The following CALN1 variants were observed in gnomAD, a reference collection of about 807,000 sequenced individuals.
CALN1 encodes the protein calneuron 1, also known as calcium-binding protein 8.
A neutral mutation model predicts 30.6 loss-of-function variants in CALN1; 17 were observed. The ratio of observed to expected loss-of-function variants is 0.56; its 90% confidence interval spans 0.38 to 0.83. CALN1 has a LOEUF of 0.83. Among genes scored for constraint, CALN1 ranks in the 40% least tolerant of loss-of-function variants. The pLI, the probability that CALN1 is intolerant of heterozygous loss-of-function variation, is 0.00. For synonymous variants in CALN1, 156 were observed against 131.4 expected, an observed-to-expected ratio of 1.19 and a Z score of -1.28; for missense variants, 291 against 354.9, an observed-to-expected ratio of 0.82 and a Z score of 1.45.
At chr7:71,985,913 C>G (rs979580402) in intron 5 of CALN1, among the ~76,000 whole-genome samples, 1 of 151,870 alleles carries the variant, frequency 6.6e-6, no homozygotes, top group African/African-American at 2.4e-5. Flanking sequence ...TCAATAGCAA[C>G]ATGACTTGTA....
At chr7:72,342,041 TG>T (rs1802409954) in intron 2 of CALN1, among the ~76,000 whole-genome samples, 1 of 151,758 alleles carries the variant, frequency 6.6e-6, no homozygotes, top group African/African-American at 2.4e-5. Context: ...TACTGGAGGT[TG>T]GGAATTTGAG....
At chr7:72,475,887 G>A in the CALN1 span, among the ~76,000 whole-genome samples, 75 of 148,790 alleles carry the variant, frequency 5.0e-4, no homozygotes, top group Non-Finnish European at 9.0e-4. Context: ...GAGATCTGAT[G>A]GTTTTATAAA....
intron 3 of CALN1, among the ~76,000 whole-genome samples, chr7:72,241,000 G>A (rs141859403): frequency 1.1e-4 from 16 of 152,206 alleles, no homozygotes; most frequent in African/African-American, 2.6e-4. Context: ...CTTACTCCCC[G>A]CATTATCAGA....
chr7:72,181,317 T>G (rs1401133737), intron 3 of CALN1, among the ~76,000 whole-genome samples: 1 of 150,544 alleles, frequency 6.6e-6, no homozygotes, highest in South Asian at 2.1e-4. Context: ...ATATGTTATA[T>G]GAATATATTT....
chr7:72,280,087 T>C (rs975337942), intron 2 of CALN1, among the ~76,000 whole-genome samples: 5 of 152,228 alleles, frequency 3.3e-5, no homozygotes, highest in Admixed American at 3.3e-4. Flanking sequence ...CAGACCCAGC[T>C]AAGTGCCAGA....
chr7:71,962,729 T>C (rs1797311101), intron 5 of CALN1, among the ~76,000 whole-genome samples: 1 of 152,224 alleles, frequency 6.6e-6, no homozygotes, highest in African/African-American at 2.4e-5. Flanking sequence ...TTTCTACAAA[T>C]TGCTGAAAGC....
intron 1 of CALN1, among the ~76,000 whole-genome samples, chr7:72,407,088 T>G (rs1050860703): frequency 4.6e-5 from 7 of 152,166 alleles, no homozygotes; most frequent in Admixed American, 2.0e-4. Flanking sequence ...ATCACCTGCA[T>G]CACTTTTACC....
At chr7:72,002,134 A>G (rs1799556642) in intron 5 of CALN1, among the ~76,000 whole-genome samples, 1 of 152,176 alleles carries the variant, frequency 6.6e-6, no homozygotes, top group African/African-American at 2.4e-5. Context: ...AGCCAAGAAT[A>G]TTTACTCCCA....
chr7:72,370,922 C>T (rs570053353), intron 2 of CALN1, among the ~76,000 whole-genome samples: 21 of 151,904 alleles, frequency 1.4e-4, no homozygotes, highest in African/African-American at 5.1e-4. Flanking sequence ...GTGGCATGTG[C>T]CTGTAATTCC....
At chr7:72,336,827 AG>A in intron 2 of CALN1, 1 of 984,860 alleles carries the variant, frequency 1.0e-6, no homozygotes, top group Non-Finnish European at 1.2e-6. Flanking sequence ...GGCAGCGCTC[AG>A]CCTCTCGCTC....
chr7:72,205,551 A>AAAAATATATATATATATATATAT, intron 3 of CALN1, among the ~76,000 whole-genome samples: 3 of 83,052 alleles, frequency 3.6e-5, no homozygotes, highest in African/African-American at 2.2e-4. Context: ...GCAAAAAAAA[A>AAAAATATATATATATATATATAT]ATATATATAT....
At position 71,793,869 on chromosome 7, in the gene CALN1, C is replaced by CA. The variant is rs1554337935; in HGVS notation, c.659-5968dup. 9.5e-3 allele frequency among the ~76,000 whole-genome samples: 1,302 copies of CA among 137,698 alleles called. 19 individuals carry two copies. Among genetic ancestry groups the CA allele is most frequent in the African/African-American group, 0.034 (1,115 of 32,564 alleles). 90.3% of individuals were successfully genotyped at this position (137,698 alleles called of 152,430 possible). On this transcript the variant is annotated intron_variant, in intron 6 of 6. Coordinates refer to ENST00000395275, the MANE Select transcript of CALN1 (RefSeq NM_031468.4). ...ACAGAGCAAGACTGTCTAAAAAAAC[C>CA]AAAAAAAACAAAAAGAAACACATAC... is the stretch of plus-strand genomic sequence containing the variant.
chr7:71,935,305 T>C (rs1383041875), intron 5 of CALN1, among the ~76,000 whole-genome samples: 5 of 152,104 alleles, frequency 3.3e-5, no homozygotes, highest in Non-Finnish European at 5.9e-5. Context: ...GGGTGCAGGA[T>C]AGCAGTGGGT....
intron 2 of CALN1, among the ~76,000 whole-genome samples, chr7:72,393,220 C>A (rs954234419): frequency 1.3e-5 from 2 of 152,142 alleles, no homozygotes; most frequent in African/African-American, 4.8e-5. Context: ...GTAATCCCAG[C>A]ACATTGGGAG....
chr7:72,278,950 G>T, intron 2 of CALN1, 140 bp from the exon 3 acceptor site: 1 of 1,253,220 alleles, frequency 8.0e-7, no homozygotes, highest in Non-Finnish European at 1.1e-6. Flanking sequence ...GGAAAGTCAA[G>T]ATATTTCCAG....
intron 5 of CALN1, among the ~76,000 whole-genome samples, chr7:71,878,393 C>T: frequency 6.7e-6 from 1 of 148,196 alleles, no homozygotes; most frequent in East Asian, 2.2e-4. Flanking sequence ...CAGAGTGAGA[C>T]CCTGTCTCAA....
At chr7:72,279,085 ACAC>A (rs910272975) in intron 2 of CALN1, among the ~76,000 whole-genome samples, 19 of 152,112 alleles carry the variant, frequency 1.2e-4, no homozygotes, top group Admixed American at 1.2e-3. Context: ...TAATCATGGC[ACAC>A]CACATCACCA....
chr7:72,204,320 G>A (rs901690548), intron 3 of CALN1, among the ~76,000 whole-genome samples: 5 of 151,608 alleles, frequency 3.3e-5, no homozygotes, highest in Non-Finnish European at 7.4e-5. Flanking sequence ...CTTTTTTAAT[G>A]TTAATTGTAT....
chr7:71,863,639 T>G (rs978236207), intron 5 of CALN1, among the ~76,000 whole-genome samples: 1 of 139,778 alleles, frequency 7.2e-6, no homozygotes, highest in Admixed American at 7.1e-5. Flanking sequence ...CTTGATGCCA[T>G]AGAAAACACA....
Sources: allele counts gnomAD v4.1 joint callset (sites outside exome capture counted in the v4.1 genomes callset), GRCh38; gene constraint gnomAD v4.1.1; transcripts MANE v1.5; gene names NCBI Gene and HGNC (gene_info 2026-07-23, HGNC 2026-07-21).